The following ZNG1A variants were observed in gnomAD, a reference collection of about 807,000 sequenced individuals.
ZNG1A encodes zinc-regulated GTPase metalloprotein activator 1A.
the ZNG1A span, among the ~76,000 whole-genome samples, chr9:127,162 G>A: frequency 5.3e-5 from 8 of 151,928 alleles, no homozygotes; most frequent in African/African-American, 1.9e-4. Context: ...TGTGGTTGTT[G>A]GATGGAATAT....
the ZNG1A span, among the ~76,000 whole-genome samples, chr9:152,690 C>A: frequency 6.6e-6 from 1 of 151,772 alleles, no homozygotes; most frequent in African/African-American, 2.4e-5. Context: ...CCAAAAAGTA[C>A]CTGTTAAATT....
the ZNG1A span, chr9:121,516 G>C: frequency 1.9e-6 from 3 of 1,611,302 alleles, no homozygotes; most frequent in South Asian, 2.2e-5. Context: ...CTGCTTTTCT[G>C]TTTCTGTCAC....
chr9:166,957 T>A, the ZNG1A span: 1 of 152,136 alleles, frequency 6.6e-6, no homozygotes, highest in African/African-American at 2.4e-5. Flanking sequence ...GTATTCATGG[T>A]AATAAACAAG....
At chr9:166,369 GGA>G in the ZNG1A span, 1 of 149,656 alleles carries the variant, frequency 6.7e-6, no homozygotes, top group Non-Finnish European at 1.5e-5. Flanking sequence ...ACTTGGGTAA[GGA>G]GAGTGGAGTA....
the ZNG1A span, among the ~76,000 whole-genome samples, chr9:140,631 C>T: frequency 6.6e-6 from 1 of 151,692 alleles, no homozygotes; most frequent in Non-Finnish European, 1.5e-5. Flanking sequence ...AGGAACGCAG[C>T]GCCTCTCCTC....
At chr9:171,933 C>G in the ZNG1A span, 6 of 1,170,528 alleles carry the variant, frequency 5.1e-6, no homozygotes, top group Non-Finnish European at 7.4e-6. Flanking sequence ...AAAATGACAA[C>G]CGAGTACTTT....
chr9:125,163 T>C, the ZNG1A span, among the ~76,000 whole-genome samples: 83 of 152,278 alleles, frequency 5.5e-4, 1 homozygote, highest in African/African-American at 1.9e-3. Flanking sequence ...CTAGTTTACA[T>C]TCCCACCAGC....
At chr9:172,132 T>C in the ZNG1A span, 1 of 1,611,344 alleles carries the variant, frequency 6.2e-7, no homozygotes. Flanking sequence ...AATTTCCCCT[T>C]CTTTTGCATC....
chr9:144,622 G>A, the ZNG1A span, among the ~76,000 whole-genome samples: 1 of 151,834 alleles, frequency 6.6e-6, no homozygotes, highest in African/African-American at 2.4e-5. Context: ...TTACCATTCA[G>A]GACATAGGCA....
At chr9:125,006 T>C in the ZNG1A span, among the ~76,000 whole-genome samples, 5 of 152,254 alleles carry the variant, frequency 3.3e-5, no homozygotes, top group African/African-American at 4.8e-5. Context: ...CCAATTGTGC[T>C]GCTATAAACA....
the ZNG1A span, among the ~76,000 whole-genome samples, chr9:142,090 A>C: frequency 6.9e-6 from 1 of 145,658 alleles, no homozygotes; most frequent in Non-Finnish European, 1.5e-5. Context: ...CACAATAATA[A>C]TGGGAGACTT....
At chr9:171,792 T>A in the ZNG1A span, 1,443 of 401,222 alleles carry the variant, frequency 3.6e-3, 4 homozygotes, top group Non-Finnish European at 4.4e-3. Context: ...GTCTCTGCTC[T>A]TCCTACATGT....
At chr9:124,297 AACATTATAAAAACAT>A in the ZNG1A span, among the ~76,000 whole-genome samples, 1 of 151,436 alleles carries the variant, frequency 6.6e-6, no homozygotes, top group African/African-American at 2.4e-5. Context: ...GGCTAAGCAT[AACATTATAAAAACAT>A]ACACCCCACC....
chr9:127,617 G>A, the ZNG1A span, among the ~76,000 whole-genome samples: 1 of 152,156 alleles, frequency 6.6e-6, no homozygotes, highest in African/African-American at 2.4e-5. Flanking sequence ...GTTGGTTGGT[G>A]AATTCTTACC....
the ZNG1A span, chr9:165,945 G>C: frequency 7.3e-6 from 1 of 137,722 alleles, no homozygotes; most frequent in Admixed American, 7.5e-5. Flanking sequence ...CCAATAAGAG[G>C]TTGTAGGGAA....
the ZNG1A span, chr9:179,028 C>A: frequency 1.1e-6 from 1 of 872,284 alleles, no homozygotes; most frequent in Non-Finnish European, 1.7e-6. Context: ...CGCCGTACCG[C>A]AGCCGCGCAC....
chr9:144,011 G>T, the ZNG1A span, among the ~76,000 whole-genome samples: 1 of 36,158 alleles, frequency 2.8e-5, no homozygotes, highest in Admixed American at 3.5e-4. Context: ...CCTCTTCAAG[G>T]AGAACTACAA....
At chr9:160,673 T>C in the ZNG1A span, among the ~76,000 whole-genome samples, 27 of 151,378 alleles carry the variant, frequency 1.8e-4, no homozygotes, top group African/African-American at 6.3e-4. Flanking sequence ...CATATAAAAT[T>C]ATTCCTATAA....
the ZNG1A span, among the ~76,000 whole-genome samples, chr9:140,077 G>A: frequency 6.0e-5 from 9 of 150,948 alleles, no homozygotes; most frequent in South Asian, 6.3e-4. Flanking sequence ...GCGGCAGCGA[G>A]GCTCGGGGAG....
Sources: allele counts gnomAD v4.1 joint callset (sites outside exome capture counted in the v4.1 genomes callset), GRCh38; gene constraint gnomAD v4.1.1; transcripts MANE v1.5; gene names NCBI Gene and HGNC (gene_info 2026-07-23, HGNC 2026-07-21).